Variants in TLE3 observed in about 807,000 individuals in gnomAD.
The protein encoded by TLE3 is TLE family member 3, transcriptional corepressor.
In TLE3, 14 loss-of-function variants were observed where a neutral mutation model predicts 93.0. The observed-to-expected ratio is 0.15, with a 90% confidence interval of 0.10 to 0.24. The LOEUF (loss-of-function observed/expected upper bound fraction) is 0.24. TLE3 is among the 10% of genes least tolerant of loss of function. The probability of loss-of-function intolerance (pLI) is 1.00; values close to 1 mark genes in which losing one functional copy is unlikely to be tolerated. For missense variants in TLE3, 693 were observed against 1,046.6 expected, an observed-to-expected ratio of 0.66 and a Z score of 4.66; for synonymous variants, 451 against 425.0, an observed-to-expected ratio of 1.06 and a Z score of -0.75.
chr15:70,051,267 G>T lies in TLE3; in HGVS notation c.2202+124C>A. ...TCAGGTAGGGGTGGGGAGGGGACCA[G>T]GGCAGGTCTGATCCTGGCTCCAGGC... On this transcript the variant is annotated intron_variant, in intron 19 of 19. Transcript: ENST00000451782. The T allele has an allele frequency of 4.2e-6, 4 of 955,654 alleles. No individual in the cohort carries two copies. In the East Asian group the frequency reaches 8.5e-5, roughly 20 times the overall value. The allele number at this position is 955,654 out of a possible 1,614,324, so 59.2% of individuals were successfully genotyped here. A position where few individuals can be genotyped will look rare whatever the true frequency, so the allele number is the denominator to read the frequency against.
chr15:70,056,794 C>T (rs548982845), intron 13 of TLE3, among the ~76,000 whole-genome samples: 1 of 152,344 alleles, frequency 6.6e-6, no homozygotes, highest in African/African-American at 2.4e-5. Context: ...TGGAGTCTCG[C>T]TCTGCCGCCC....
In TLE3 at chr15:70,066,169, G is replaced by A. The variant is rs965432724; in HGVS notation, c.422C>T (p.Pro141Leu). ...QHLSHATHGP[P>L]VQLPPHPSGL... ...TGACGGGTGGGGTGGCAACTGGACC[G>A]GGGGGCCGTGTGTGGCATGGGAGAG... The change falls in exon 7 of 20, where the codon CCG (proline) becomes CTG (leucine). Residue 141 changes from proline (P) to leucine (L), a missense_variant. Transcript: ENST00000451782. 7.8e-6 allele frequency: 12 copies of A among 1,542,860 alleles called. No homozygotes were observed. The highest frequency in any genetic ancestry group is 1.8e-4 in the Middle Eastern group (1 of 5,652).
rs556822138 is a variant in TLE3, at chr15:70,097,471, C to CGCT, written c.-676_-674dup. The CGCT allele has an allele frequency of 1.6e-3, 675 of 415,168 alleles. 3 individuals are homozygous for CGCT. Among genetic ancestry groups the CGCT allele is most frequent in the African/African-American group, 0.013 (616 of 48,854 alleles). The allele number at this position is 415,168 out of a possible 1,614,324, so 25.7% of individuals were successfully genotyped here. On this transcript the variant is annotated 5_prime_UTR_variant, in exon 1 of 20. Transcript: ENST00000451782. ...CTGCCGCTGCCGCCGCCGCCGCCGC[C>CGCT]GCTGCAAGCCCTTCCCAGGGCCGGG...
rs1365367202 is a variant in TLE3 at position 70,047,924 on chromosome 15, T to C, written c.*2173A>G. On this transcript the variant is annotated 3_prime_UTR_variant, in exon 20 of 20. Coordinates refer to ENST00000451782, the MANE Select transcript of TLE3 (RefSeq NM_001105192.3). ...GCCCTGCCCATCTGTCCAGAGGAAG[T>C]CTTAGCTCCTACCCCCCACCCTCCC... 1 of 152,220 alleles carries C rather than the reference T, an allele frequency of 6.6e-6. No homozygotes were observed. The highest frequency in any genetic ancestry group is 1.9e-4 in the East Asian group (1 of 5,190). The allele number at this position is 152,220 out of a possible 1,614,324, so 9.4% of individuals were successfully genotyped here.
At position 70,058,294 on chromosome 15, in the gene TLE3, G is replaced by T; in HGVS notation, c.919-3C>A. 1 of 1,600,326 alleles carries T rather than the reference G, an allele frequency of 6.2e-7. No homozygotes were observed. The highest frequency in any genetic ancestry group is 8.5e-7 in the Non-Finnish European group (1 of 1,172,622). On this transcript the variant is annotated splice_region_variant and splice_polypyrimidine_tract_variant and intron_variant, in intron 11 of 19. Transcript: ENST00000451782. The surrounding 1 kb of genome is among the most constrained non-coding windows in gnomAD (Gnocchi z 4.1). ...CCAGGGGTGGAGGATTTGTCGTTCT[G>T]AAGAGGGGAGATGCAGAACAAGGGA... is the stretch of plus-strand genomic sequence containing the variant.
chr15:70,076,909 G>T (rs967335939), intron 4 of TLE3, among the ~76,000 whole-genome samples: 3 of 152,054 alleles, frequency 2.0e-5, no homozygotes, highest in African/African-American at 7.3e-5. Flanking sequence ...GTAGAGACTG[G>T]GTTTCGCCAC....
In TLE3 at chr15:70,055,060, G is replaced by A; in HGVS notation, c.1567C>T (p.Leu523=). The A allele has an allele frequency of 6.2e-7, 1 of 1,610,746 alleles. No individual in the cohort carries two copies. Among genetic ancestry groups the A allele is most frequent in the Non-Finnish European group, 8.5e-7 (1 of 1,178,472 alleles). Residue 523 remains leucine (L), a synonymous_variant, in exon 15 of 20, where the codon CTG becomes TTG. Transcript: ENST00000451782. The stretch of plus-strand genomic sequence containing the variant: ...CCTGGGATTCTCACCAGGCAGTCCA[G>A]CTGGGAGATGGGGCTCTTGCTGCCT... The part of the protein sequence containing the change: ...QPGSKSPISQ[L]DCLNRDNYIR...
Position 70,096,223 on chromosome 15 carries a change from C to G in TLE3, c.63G>C (p.Thr21=), listed in dbSNP as rs773923905. Residue 21 remains threonine, a synonymous_variant, in exon 2 of 20, where the codon ACG becomes ACC. Transcript: ENST00000451782. ...HQPGQPGFKF[T]VAESCDRIKD... Reference sequence around the variant, plus strand: ...TGATCCTGTCACAAGACTCAGCCACCGTGAATTTAAATCCCGGCTGCCCGG... The same window carrying G: ...TGATCCTGTCACAAGACTCAGCCACGGTGAATTTAAATCCCGGCTGCCCGG... 20 of 1,560,050 alleles carry G rather than the reference C, an allele frequency of 1.3e-5. 1 individual carries two copies. The Middle Eastern group carries it at 6.6e-4, about 52-fold the overall frequency.
intron 4 of TLE3, among the ~76,000 whole-genome samples, chr15:70,090,596 G>A (rs2058262337): frequency 6.6e-6 from 1 of 152,132 alleles, no homozygotes; most frequent in Non-Finnish European, 1.5e-5. Context: ...ATTTAGATGA[G>A]AAGATCCAGA....
intron 4 of TLE3, among the ~76,000 whole-genome samples, chr15:70,086,741 G>A (rs2141980420): frequency 6.6e-6 from 1 of 152,300 alleles, no homozygotes; most frequent in African/African-American, 2.4e-5. Context: ...CACAACACTT[G>A]GAACTCCATG....
chr15:70,065,969 G>GGC, intron 7 of TLE3, 45 bp downstream of exon 7: 227 of 1,294,168 alleles, frequency 1.8e-4, no homozygotes, highest in Non-Finnish European at 2.2e-4. Context: ...GAGCGCCCAT[G>GGC]CCCACCCCTG....
chr15:70,065,039 C>T (rs924348316), intron 7 of TLE3, among the ~76,000 whole-genome samples: 1 of 152,334 alleles, frequency 6.6e-6, no homozygotes, highest in South Asian at 2.1e-4. Flanking sequence ...GCACTAGCTC[C>T]CCAGTTCTCC....
chr15:70,054,850 A>G, intron 15 of TLE3, 165 bp from the exon 16 acceptor site: 2 of 1,227,286 alleles, frequency 1.6e-6, no homozygotes, highest in African/African-American at 3.0e-5. Context: ...CAACCCTTTG[A>G]TCTTTCATGA....
chr15:70,084,538 G>C (rs920637964), intron 4 of TLE3, among the ~76,000 whole-genome samples: 1 of 152,178 alleles, frequency 6.6e-6, no homozygotes, highest in Admixed American at 6.5e-5. Context: ...TGGTGGTCTG[G>C]GGGTAGACAT....
At chr15:70,050,297 C>T (rs1566975497) in intron 19 of TLE3, 93 bp from the exon 20 acceptor site, 5 of 958,812 alleles carry the variant, frequency 5.2e-6, no homozygotes, top group Middle Eastern at 2.3e-4. Flanking sequence ...AACACCATCT[C>T]GGTTCTCTCG....
At chr15:70,091,613 A>G (rs1162831699) in intron 4 of TLE3, among the ~76,000 whole-genome samples, 1 of 152,242 alleles carries the variant, frequency 6.6e-6, no homozygotes, top group Non-Finnish European at 1.5e-5. Flanking sequence ...GCAGAAGAGC[A>G]GGAGGAGAAA....
chr15:70,055,301 G>A lies in TLE3; in HGVS notation c.1329-3C>T, dbSNP rs199570719. ...CACTCACATGGAATGAGTACGCTCT[G>A]AAAAGGTGAGAAACCGTCACTGCTG... On this transcript the variant is annotated splice_polypyrimidine_tract_variant and splice_region_variant and intron_variant, in intron 14 of 19. Coordinates refer to ENST00000451782, the MANE Select transcript of TLE3 (RefSeq NM_001105192.3). 8.1e-5 allele frequency: 126 copies of A among 1,558,754 alleles called. No individual in the cohort carries two copies. The highest frequency in any genetic ancestry group is 3.8e-5 in the Non-Finnish European group (44 of 1,153,036).
chr15:70,066,400 AG>A (rs2056820012), intron 6 of TLE3, among the ~76,000 whole-genome samples, 182 bp from the exon 7 acceptor site: 1 of 152,192 alleles, frequency 6.6e-6, no homozygotes, highest in East Asian at 1.9e-4. Flanking sequence ...GTCTCGCTGA[AG>A]GAAGTCTGTT....
intron 3 of TLE3, among the ~76,000 whole-genome samples, chr15:70,094,980 T>C (rs897244622): frequency 2.6e-5 from 4 of 152,180 alleles, no homozygotes; most frequent in Admixed American, 2.6e-4. Context: ...CTCTCACAAA[T>C]GAAGATTAAA....
Sources: allele counts gnomAD v4.1 joint callset (sites outside exome capture counted in the v4.1 genomes callset), GRCh38; gene constraint gnomAD v4.1.1; non-coding constraint Gnocchi (gnomAD v3.1); transcripts MANE v1.5; gene names NCBI Gene and HGNC (gene_info 2026-07-23, HGNC 2026-07-21).